The following SYNPO2 variants were observed in gnomAD, a reference collection of about 807,000 sequenced individuals.
SYNPO2 encodes the protein synaptopodin 2.
SYNPO2 carries 56 observed loss-of-function variants against 85.0 expected under a neutral mutation model. That is an observed-to-expected ratio of 0.66 (90% CI 0.53 to 0.82). The LOEUF (loss-of-function observed/expected upper bound fraction) is 0.82. Ranked by LOEUF, SYNPO2 falls within the 40% of genes least tolerant of loss-of-function variation. The pLI is 0.00. For synonymous variants in SYNPO2, 602 were observed against 591.1 expected, an observed-to-expected ratio of 1.02 and a Z score of -0.27; for missense variants, 1,575 against 1,534.2, an observed-to-expected ratio of 1.03 and a Z score of -0.44.
intron 1 of SYNPO2, among the ~76,000 whole-genome samples, chr4:119,014,054 A>G (rs1443737769): frequency 6.6e-6 from 1 of 152,184 alleles, no homozygotes; most frequent in Non-Finnish European, 1.5e-5. Context: ...ATGCATTTCA[A>G]TCAACCCATC....
chr4:118,895,042 T>A (rs907744637), intron 1 of SYNPO2, among the ~76,000 whole-genome samples: 4 of 152,230 alleles, frequency 2.6e-5, no homozygotes, highest in African/African-American at 9.6e-5. Context: ...TGATTTTTTT[T>A]AAGGAGTGTC....
intron 1 of SYNPO2, among the ~76,000 whole-genome samples, chr4:119,022,203 G>A (rs373918687): frequency 1.9e-4 from 29 of 152,170 alleles, no homozygotes; most frequent in African/African-American, 2.7e-4. Context: ...AAGTTGCCCC[G>A]TCCTGTACCT....
chr4:119,009,960 G>T (rs1737229246), intron 1 of SYNPO2, among the ~76,000 whole-genome samples: 1 of 152,170 alleles, frequency 6.6e-6, no homozygotes, highest in Non-Finnish European at 1.5e-5. Context: ...CATTGCTGAT[G>T]GTCTGTGAGC....
At chr4:118,894,561 C>T (rs1732487465) in intron 1 of SYNPO2, among the ~76,000 whole-genome samples, 1 of 67,316 alleles carries the variant, frequency 1.5e-5, no homozygotes, top group Admixed American at 1.4e-4. Context: ...GTCGGGGGAA[C>T]GTCGGGGGAA....
chr4:118,900,134 A>G (rs991931498), intron 1 of SYNPO2, among the ~76,000 whole-genome samples: 1 of 152,220 alleles, frequency 6.6e-6, no homozygotes, highest in Non-Finnish European at 1.5e-5. Flanking sequence ...TGCTATTATG[A>G]TGTTTTAAAG....
At chr4:119,056,463 A>G (rs1177942645) in intron 4 of SYNPO2, among the ~76,000 whole-genome samples, 1 of 152,140 alleles carries the variant, frequency 6.6e-6, no homozygotes, top group Non-Finnish European at 1.5e-5. Context: ...AGGCTGAGGC[A>G]GGAGGATTGC....
chr4:118,944,442 AAAAT>A (rs1391673634), intron 1 of SYNPO2, among the ~76,000 whole-genome samples: 2 of 152,186 alleles, frequency 1.3e-5, no homozygotes, highest in Non-Finnish European at 2.9e-5. Flanking sequence ...TGGCTCCACC[AAAAT>A]AAATAAAATA....
At chr4:118,918,483 G>A (rs1193359614) in intron 1 of SYNPO2, among the ~76,000 whole-genome samples, 1 of 152,142 alleles carries the variant, frequency 6.6e-6, no homozygotes, top group Admixed American at 6.6e-5. Flanking sequence ...ACTAGAAACA[G>A]GTTTGATTTC....
chr4:118,863,619 CT>C (rs1222719858), intron 1 of SYNPO2, among the ~76,000 whole-genome samples: 18 of 149,402 alleles, frequency 1.2e-4, no homozygotes, highest in East Asian at 3.9e-4. Context: ...TTTCATTTAT[CT>C]TTTTTTTTTG....
At chr4:118,969,412 A>G (rs1735444856) in intron 1 of SYNPO2, among the ~76,000 whole-genome samples, 1 of 50,690 alleles carries the variant, frequency 2.0e-5, no homozygotes, top group Non-Finnish European at 5.1e-5. Flanking sequence ...ATTTGTAAAA[A>G]AGTACGTTTC....
intron 1 of SYNPO2, among the ~76,000 whole-genome samples, chr4:118,972,917 C>G (rs1735590165): frequency 1.3e-5 from 2 of 152,182 alleles, no homozygotes; most frequent in African/African-American, 4.8e-5. Context: ...AGCTGGCTAT[C>G]CCCGCTTGCT....
intron 1 of SYNPO2, among the ~76,000 whole-genome samples, chr4:118,951,754 T>C (rs1265711781): frequency 2.6e-5 from 4 of 152,214 alleles, no homozygotes; most frequent in South Asian, 2.1e-4. Flanking sequence ...ATAAAATTCA[T>C]GTTGTAATAC....
At chr4:118,918,850 TCAA>T (rs1210465668) in intron 1 of SYNPO2, among the ~76,000 whole-genome samples, 1 of 152,202 alleles carries the variant, frequency 6.6e-6, no homozygotes, top group Admixed American at 6.5e-5. Flanking sequence ...TAATTCTTCA[TCAA>T]GTATTTTGAA....
intron 2 of SYNPO2, among the ~76,000 whole-genome samples, chr4:119,024,770 C>T (rs995284089): frequency 2.6e-5 from 4 of 152,134 alleles, no homozygotes; most frequent in Non-Finnish European, 5.9e-5. Context: ...CAATTATTAT[C>T]ATCACCACCA....
intron 1 of SYNPO2, among the ~76,000 whole-genome samples, chr4:118,988,475 G>A (rs1451625050): frequency 6.6e-6 from 1 of 152,026 alleles, no homozygotes; most frequent in African/African-American, 2.4e-5. Flanking sequence ...CTCTAAAAAT[G>A]GTACTTGCTT....
intron 1 of SYNPO2, among the ~76,000 whole-genome samples, chr4:118,921,050 G>A (rs758506449): frequency 1.1e-4 from 16 of 151,966 alleles, no homozygotes; most frequent in Non-Finnish European, 2.4e-4. Context: ...GACTACAAGC[G>A]CGCATCAACA....
chr4:118,942,038 A>C (rs1436242808), intron 1 of SYNPO2, among the ~76,000 whole-genome samples: 1 of 152,124 alleles, frequency 6.6e-6, no homozygotes, highest in African/African-American at 2.4e-5. Context: ...GAGATAAAGG[A>C]AGTGGTTAGG....
At chr4:119,028,774 T>G (rs79155174) in intron 3 of SYNPO2, among the ~76,000 whole-genome samples, 8 of 96,642 alleles carry the variant, frequency 8.3e-5, no homozygotes, top group African/African-American at 2.4e-4. Context: ...TAGTCAAAAA[T>G]TTTTTCTTAA....
In SYNPO2 at chr4:119,030,694, T is replaced by C; in HGVS notation, c.1919T>C (p.Ile640Thr). 6.2e-7 allele frequency: 1 copy of C among 1,614,182 alleles called. No homozygotes were observed. Among genetic ancestry groups the C allele is most frequent in the South Asian group, 1.1e-5 (1 of 91,080 alleles). ...DAFSRGVSSP[I>T]AGPAQPPPWP... ...TTCTCCAGAGGGGTTTCAAGTCCGA[T>C]TGCTGGCCCAGCACAGCCCCCTCCA... Residue 640 changes from isoleucine (I) to threonine (T), a missense_variant, in exon 4 of 5, where the codon ATT (isoleucine) becomes ACT (threonine). Coordinates refer to ENST00000307142, the MANE Select transcript of SYNPO2 (RefSeq NM_133477.3).
Sources: allele counts gnomAD v4.1 joint callset (sites outside exome capture counted in the v4.1 genomes callset), GRCh38; gene constraint gnomAD v4.1.1; transcripts MANE v1.5; gene names NCBI Gene and HGNC (gene_info 2026-07-23, HGNC 2026-07-21).